Variants in AIG1 observed in about 807,000 individuals in gnomAD.
AIG1 encodes androgen-induced gene 1 protein.
AIG1 carries 23 observed loss-of-function variants against 31.4 expected under a neutral mutation model. The ratio of observed to expected loss-of-function variants is 0.73; its 90% CI spans 0.53 to 1.04. The LOEUF (loss-of-function observed/expected upper bound fraction) is 1.04. AIG1 is among the 50% of genes least tolerant of loss of function. The pLI, the probability that AIG1 is intolerant of heterozygous loss-of-function variation, is 0.00. For synonymous variants in AIG1, 100 were observed against 110.5 expected, an observed-to-expected ratio of 0.90 and a Z score of 0.60; for missense variants, 274 against 295.0, an observed-to-expected ratio of 0.93 and a Z score of 0.52.
At chr6:143,266,860 G>A (rs181364832) in intron 3 of AIG1, among the ~76,000 whole-genome samples, 115 of 152,310 alleles carry the variant, frequency 7.6e-4, no homozygotes, top group Admixed American at 2.0e-3. Flanking sequence ...AGGATTGCTT[G>A]AGACCAGGAT....
upstream of AIG1, chr6:143,060,876 C>A: frequency 7.7e-7 from 1 of 1,299,046 alleles, no homozygotes; most frequent in Non-Finnish European, 9.9e-7. Context: ...CCGGCGCCTC[C>A]CTCACGCCCG....
chr6:143,142,381 A>G (rs1372184767), intron 2 of AIG1, among the ~76,000 whole-genome samples: 2 of 152,114 alleles, frequency 1.3e-5, no homozygotes, highest in Non-Finnish European at 2.9e-5. Context: ...CTAATTATAC[A>G]TTTTTTATTC....
chr6:143,127,834 T>G (rs1227848674), intron 1 of AIG1, among the ~76,000 whole-genome samples: 12 of 152,068 alleles, frequency 7.9e-5, no homozygotes, highest in Admixed American at 1.3e-4. Flanking sequence ...ATTACAGGCA[T>G]GCACCACCAC....
At chr6:143,240,920 T>A (rs997989307) in intron 3 of AIG1, among the ~76,000 whole-genome samples, 4 of 152,136 alleles carry the variant, frequency 2.6e-5, no homozygotes, top group Non-Finnish European at 4.4e-5. Context: ...AGGACTTCCA[T>A]GAAGAGTTAG....
At chr6:143,161,831 C>T (rs1236622527) in intron 2 of AIG1, among the ~76,000 whole-genome samples, 1 of 151,990 alleles carries the variant, frequency 6.6e-6, no homozygotes, top group Admixed American at 6.6e-5. Flanking sequence ...AAGAAGCCTG[C>T]AGCTAATATC....
chr6:143,336,041 T>G (rs78754824), intron 5 of AIG1, among the ~76,000 whole-genome samples: 4,861 of 152,266 alleles, frequency 0.032, 121 homozygotes, highest in South Asian at 0.061. Context: ...CCTGGCCACT[T>G]TACTCAGTCA....
chr6:143,203,807 A>G (rs1790892395), intron 3 of AIG1, among the ~76,000 whole-genome samples: 1 of 152,212 alleles, frequency 6.6e-6, no homozygotes, highest in Admixed American at 6.5e-5. Flanking sequence ...GAAGAATTCG[A>G]CAGAAGACAT....
intron 3 of AIG1, among the ~76,000 whole-genome samples, chr6:143,185,412 C>G (rs1429883711): frequency 6.6e-6 from 1 of 152,122 alleles, no homozygotes; most frequent in Non-Finnish European, 1.5e-5. Context: ...ACACAGCACT[C>G]CAGCCACACT....
intron 1 of AIG1, among the ~76,000 whole-genome samples, chr6:143,062,523 G>C (rs1027406236): frequency 6.6e-6 from 1 of 152,148 alleles, no homozygotes; most frequent in Non-Finnish European, 1.5e-5. Context: ...CTTTATATTT[G>C]ATTGAACAAC....
Position 143,100,038 on chromosome 6 carries a change from C to T in AIG1, c.142-36797C>T, listed in dbSNP as rs1267688672. Among the ~76,000 whole-genome samples the T allele has an allele frequency of 2.0e-5, 3 of 152,286 alleles. No individual in the cohort carries two copies. The East Asian group carries it at 5.8e-4, about 29-fold the overall frequency. On this transcript the variant is annotated intron_variant, in intron 1 of 5. Coordinates refer to ENST00000357847, the MANE Select transcript of AIG1 (RefSeq NM_016108.4). ...GGTTTTGTTTGCTTGCCAGTGGTGCCATGCTGACTTTAGAATATATTTACC... is the reference window on the plus strand; with the variant it reads ...GGTTTTGTTTGCTTGCCAGTGGTGCTATGCTGACTTTAGAATATATTTACC...
intron 3 of AIG1, among the ~76,000 whole-genome samples, chr6:143,168,477 A>T (rs186135537): frequency 4.1e-5 from 6 of 144,986 alleles, no homozygotes; most frequent in African/African-American, 1.5e-4. Flanking sequence ...CTCATCGTTC[A>T]ATTCCCACCT....
chr6:143,196,577 A>G (rs1790262557), intron 3 of AIG1, among the ~76,000 whole-genome samples: 2 of 152,182 alleles, frequency 1.3e-5, no homozygotes, highest in Admixed American at 6.6e-5. Context: ...ATCTAAAGAG[A>G]TGAAATTGGA....
At chr6:143,273,514 C>T (rs1796688369) in intron 3 of AIG1, among the ~76,000 whole-genome samples, 1 of 152,152 alleles carries the variant, frequency 6.6e-6, no homozygotes. Flanking sequence ...CATTCTTCAC[C>T]TCACTCCCCA....
At position 143,333,904 on chromosome 6, in the gene AIG1, G is replaced by A. The variant is rs1777281032; in HGVS notation, c.679+459G>A. Among the ~76,000 whole-genome samples the A allele has an allele frequency of 6.6e-6, 1 of 152,126 alleles. No homozygotes were observed. Among genetic ancestry groups the A allele is most frequent in the African/African-American group, 2.4e-5 (1 of 41,456 alleles). ...CTGGGAGAGGTCTTACTACCATTCTGCTAGAGCTCTATCTAAGCAGTGTGT... is the reference window on the plus strand; with the variant it reads ...CTGGGAGAGGTCTTACTACCATTCTACTAGAGCTCTATCTAAGCAGTGTGT... On this transcript the variant is annotated intron_variant, in intron 5 of 5. Coordinates refer to ENST00000357847, the MANE Select transcript of AIG1 (RefSeq NM_016108.4). The surrounding 1 kb of genome is among the most constrained non-coding windows in gnomAD (Gnocchi z 4.6).
chr6:143,249,263 C>T (rs1794835519), intron 3 of AIG1, among the ~76,000 whole-genome samples: 1 of 152,160 alleles, frequency 6.6e-6, no homozygotes, highest in Admixed American at 6.5e-5. Flanking sequence ...AAGCTCTTTC[C>T]TCAATACACT....
intron 4 of AIG1, among the ~76,000 whole-genome samples, chr6:143,320,876 C>T (rs961512524): frequency 6.1e-5 from 9 of 147,866 alleles, no homozygotes; most frequent in African/African-American, 2.0e-4. Context: ...GGCTGGAGTG[C>T]AATGGCGCAA....
Position 143,284,140 on chromosome 6 carries a change from G to T in AIG1, c.430G>T (p.Glu144Ter), listed in dbSNP as rs201448093. 6.2e-7 allele frequency: 1 copy of T among 1,613,938 alleles called. No individual in the cohort carries two copies. Among genetic ancestry groups the T allele is most frequent in the Non-Finnish European group, 8.5e-7 (1 of 1,179,936 alleles). The change falls in exon 4 of 6, where the codon GAG becomes TAG. Residue 144 changes from glutamate (E) to a stop codon, truncating the protein, a stop_gained. Transcript: ENST00000357847. LOFTEE classifies it high-confidence loss of function. This position sits in a 1 kb window ranked among gnomAD's most constrained non-coding sequence, Gnocchi z 4.4. The stretch of plus-strand genomic sequence containing the variant: ...GACGGTTCTGCCCTTTATATTAATC[G>T]AGATGAGGACATCGCACCATCAGTA... The part of the protein sequence containing the change: ...HTTVLPFILI[E>*]MRTSHHQYPS...
At chr6:143,101,464 G>T (rs1780273103) in intron 1 of AIG1, among the ~76,000 whole-genome samples, 1 of 152,220 alleles carries the variant, frequency 6.6e-6, no homozygotes, top group African/African-American at 2.4e-5. Context: ...AGGAAGATAG[G>T]ATTAAGGGTC....
chr6:143,120,780 G>A (rs1782172055), intron 1 of AIG1, among the ~76,000 whole-genome samples: 1 of 152,174 alleles, frequency 6.6e-6, no homozygotes, highest in African/African-American at 2.4e-5. Flanking sequence ...GTTGTGTTGG[G>A]AGCAGGCCCT....
Sources: allele counts gnomAD v4.1 joint callset (sites outside exome capture counted in the v4.1 genomes callset), GRCh38; gene constraint gnomAD v4.1.1; non-coding constraint Gnocchi (gnomAD v3.1); transcripts MANE v1.5; gene names NCBI Gene and HGNC (gene_info 2026-07-23, HGNC 2026-07-21).